Variants in AFDN observed in about 807,000 individuals in gnomAD.
AFDN encodes afadin.
In AFDN, 68 loss-of-function variants were observed where a neutral mutation model predicts 216.6. The observed-to-expected ratio is 0.31, with a 90% confidence interval of 0.26 to 0.38. AFDN has a LOEUF of 0.38. Ranked by LOEUF, AFDN falls within the 10% of genes least tolerant of loss-of-function variation. The probability of loss-of-function intolerance (pLI) is 1.00; values close to 1 mark genes in which losing one functional copy is unlikely to be tolerated. For missense variants in AFDN, 2,136 were observed against 2,342.0 expected (o/e 0.91, Z 1.82); for synonymous variants, 868 against 853.7 (o/e 1.02, Z -0.29).
intron 23 of AFDN, among the ~76,000 whole-genome samples, chr6:167,933,580 C>T (rs1388828334): frequency 2.6e-5 from 4 of 152,212 alleles, no homozygotes; most frequent in Admixed American, 1.3e-4. Context: ...ATTTCTTCCA[C>T]GGAGATGCCA....
At chr6:167,842,943 A>G (rs1781234813) in intron 1 of AFDN, among the ~76,000 whole-genome samples, 1 of 151,536 alleles carries the variant, frequency 6.6e-6, no homozygotes, top group African/African-American at 2.4e-5. Flanking sequence ...AAAGGTCTAC[A>G]AAAAAAAACT....
At chr6:167,949,284 A>G (rs1229567291) in intron 29 of AFDN, among the ~76,000 whole-genome samples, 2 of 152,228 alleles carry the variant, frequency 1.3e-5, no homozygotes, top group East Asian at 3.8e-4. Flanking sequence ...CAGACGCTCT[A>G]GGAATTCTGA....
At position 167,907,191 on chromosome 6, in the gene AFDN, C is replaced by A. The variant is rs144392658; in HGVS notation, c.1671C>A (p.Ser557Arg). 1.7e-5 allele frequency: 28 copies of A among 1,613,888 alleles called. No individual in the cohort carries two copies. The highest frequency in any genetic ancestry group is 2.2e-5 in the Non-Finnish European group (26 of 1,179,936). The change falls in exon 13 of 34, where the codon AGC becomes AGA. Residue 557 changes from serine to arginine, a missense_variant. By Grantham distance (110) the Ser-to-Arg change is moderately radical. Around this residue, in one of 8 missense-constraint regions of AFDN, gnomAD observed 817 missense variants for 965.7 expected, o/e 0.85. Transcript: ENST00000683244. Reference sequence around the variant, plus strand: ...TGTAGAGCACCACTAGGCTGGACAGCGACAGAGTGTCGTCTGCCTCTAGCA... The same window carrying A: ...TGTAGAGCACCACTAGGCTGGACAGAGACAGAGTGTCGTCTGCCTCTAGCA... ...PTSKSTTRLD[S>R]DRVSSASSTA...
Position 167,834,693 on chromosome 6 carries a change from T to C in AFDN, c.105+7456T>C, listed in dbSNP as rs376356419. Among the ~76,000 whole-genome samples the C allele has an allele frequency of 2.3e-4, 35 of 152,184 alleles. No homozygotes were observed. The East Asian group carries it at 4.8e-3, about 21-fold the overall frequency. On this transcript the variant is annotated intron_variant, in intron 1 of 33. Coordinates refer to ENST00000683244, the MANE Select transcript of AFDN (RefSeq NM_001386888.1). ...CCTTTGGAAGATTCTTTTAAATACT[T>C]TTCATACTCTATACAGTGGCTTATC...
intron 27 of AFDN, among the ~76,000 whole-genome samples, chr6:167,947,390 A>T (rs192826692): frequency 6.6e-6 from 1 of 152,194 alleles, no homozygotes; most frequent in Non-Finnish European, 1.5e-5. Context: ...CATGTTAGCC[A>T]GGATGGTCTC....
At position 167,913,941 on chromosome 6, in the gene AFDN, C is replaced by T. The variant is rs574065166; in HGVS notation, c.2059-227C>T. ...TCTATAAATTGTAGCTAACTGAATC[C>T]ATATGTCTATGTGCATGAATCCTAA... On this transcript the variant is annotated intron_variant, in intron 16 of 33. Transcript: ENST00000683244. 51 of 525,902 alleles carry T rather than the reference C, an allele frequency of 9.7e-5. 1 individual carries two copies. The South Asian group carries it at 1.3e-3, about 14-fold the overall frequency. 32.6% of individuals were successfully genotyped at this position (525,902 alleles called of 1,614,324 possible).
At chr6:167,869,120 G>T in intron 2 of AFDN, among the ~76,000 whole-genome samples, 1 of 151,834 alleles carries the variant, frequency 6.6e-6, no homozygotes, top group East Asian at 1.9e-4. Context: ...TGCAGTTTGT[G>T]TGACAGGGCA....
At chr6:167,840,582 G>A (rs1319954829) in intron 1 of AFDN, among the ~76,000 whole-genome samples, 1 of 152,216 alleles carries the variant, frequency 6.6e-6, no homozygotes, top group Non-Finnish European at 1.5e-5. Context: ...ATGTTATTGT[G>A]AGAAAGAAAT....
intron 23 of AFDN, among the ~76,000 whole-genome samples, chr6:167,937,129 T>C (rs572779464): frequency 6.6e-6 from 1 of 152,232 alleles, no homozygotes; most frequent in East Asian, 1.9e-4. Flanking sequence ...AGGTGCAGGG[T>C]CAGTGGACAG....
intron 33 of AFDN, 56 bp downstream of exon 33, chr6:167,969,254 C>G (rs1422992193): frequency 2.4e-6 from 3 of 1,271,342 alleles, no homozygotes; most frequent in Non-Finnish European, 3.5e-6. Flanking sequence ...AGCCCTTTCA[C>G]TCTTCACGAC....
chr6:167,952,176 C>A lies in AFDN; in HGVS notation c.4822C>A (p.Arg1608=). The A allele has an allele frequency of 6.2e-7, 1 of 1,614,070 alleles. No homozygotes were observed. The highest frequency in any genetic ancestry group is 1.6e-4 in the Middle Eastern group (1 of 6,062). The part of the protein sequence containing the change: ...MLIMQRLEAE[R]RARLQDEERR... ...GATCATGCAGCGCCTGGAGGCTGAA[C>A]GAAGAGCGAGGGTAAAGGGGGGAGT... Residue 1608 remains arginine (R), a synonymous_variant, in exon 30 of 34, where the codon CGA becomes AGA. Coordinates refer to ENST00000683244, the MANE Select transcript of AFDN (RefSeq NM_001386888.1).
intron 5 of AFDN, among the ~76,000 whole-genome samples, chr6:167,875,823 A>G (rs1172668476): frequency 1.3e-5 from 2 of 152,158 alleles, no homozygotes; most frequent in Non-Finnish European, 2.9e-5. Flanking sequence ...TCCAAAATAC[A>G]TTGCCTCCAT....
intron 22 of AFDN, among the ~76,000 whole-genome samples, chr6:167,923,921 G>A (rs569744314): frequency 2.6e-5 from 4 of 151,934 alleles, no homozygotes; most frequent in East Asian, 1.9e-4. Context: ...CACCTCGCCC[G>A]GCCCCTAATA....
chr6:167,859,777 TGTTG>T (rs1189522992), intron 1 of AFDN, among the ~76,000 whole-genome samples: 10 of 74,598 alleles, frequency 1.3e-4, no homozygotes, highest in South Asian at 1.3e-3. Context: ...GTTTTGTTAT[TGTTG>T]TTTTTTTTTT....
intron 30 of AFDN, chr6:167,954,355 A>G (rs1583037795): frequency 1.2e-6 from 1 of 844,962 alleles, no homozygotes; most frequent in Non-Finnish European, 1.8e-6. Flanking sequence ...CAGATGACGC[A>G]TGATAGTGAG....
At chr6:167,858,781 C>T (rs1783191180) in intron 1 of AFDN, among the ~76,000 whole-genome samples, 1 of 152,170 alleles carries the variant, frequency 6.6e-6, no homozygotes, top group Admixed American at 6.6e-5. Context: ...TTGCCGGCAA[C>T]AGAATAATAG....
chr6:167,912,715 T>G (rs1434282776), intron 15 of AFDN, among the ~76,000 whole-genome samples: 4 of 152,218 alleles, frequency 2.6e-5, no homozygotes, highest in Admixed American at 1.3e-4. Context: ...AAAACTACCC[T>G]TGATAGCCTT....
intron 1 of AFDN, among the ~76,000 whole-genome samples, chr6:167,838,080 C>A (rs1780648317): frequency 6.6e-6 from 1 of 151,974 alleles, no homozygotes; most frequent in African/African-American, 2.4e-5. Flanking sequence ...GTTTTGTAGC[C>A]AAGGTGACAC....
At chr6:167,845,416 A>G (rs971833575) in intron 1 of AFDN, among the ~76,000 whole-genome samples, 2 of 151,232 alleles carry the variant, frequency 1.3e-5, no homozygotes, top group African/African-American at 4.9e-5. Context: ...TGCTTTTTTT[A>G]GACAGAGTTT....
Sources: gnomAD v4.1 joint callset for allele counts (sites outside exome capture counted in the v4.1 genomes callset) on GRCh38, gnomAD v4.1.1 for gene constraint, gnomAD v4.1.1 regional missense constraint, MANE v1.5 for transcripts, NCBI Gene and HGNC (gene_info 2026-07-23, HGNC 2026-07-21) for gene names.